Variants in VAC14 observed in about 807,000 individuals in gnomAD.
VAC14 encodes the protein protein VAC14 homolog.
In VAC14, 47 loss-of-function variants were observed where a neutral mutation model predicts 85.3. The observed-to-expected ratio is 0.55, with a 90% confidence interval of 0.44 to 0.70. VAC14 has a LOEUF of 0.70. VAC14 is among the 30% of genes least tolerant of loss of function. VAC14 has a pLI of 0.00. For synonymous variants in VAC14, 447 were observed against 430.5 expected, an observed-to-expected ratio of 1.04 and a Z score of -0.47; for missense variants, 861 against 1,004.3, an observed-to-expected ratio of 0.86 and a Z score of 1.93.
chr16:70,754,880 G>A (rs906365711), intron 12 of VAC14, among the ~76,000 whole-genome samples: 1 of 152,192 alleles, frequency 6.6e-6, no homozygotes, highest in African/African-American at 2.4e-5. Flanking sequence ...GCAAGAATCT[G>A]AGGAGGAAAA....
intron 1 of VAC14, among the ~76,000 whole-genome samples, chr16:70,797,283 C>T (rs1221829505): frequency 6.6e-6 from 1 of 152,156 alleles, no homozygotes; most frequent in Admixed American, 6.5e-5. Context: ...TTTCTTACAT[C>T]ACATCACTCT....
intron 10 of VAC14, chr16:70,766,422 A>G (rs1273145258): frequency 1.3e-5 from 6 of 453,428 alleles, no homozygotes; most frequent in Admixed American, 4.8e-5. Context: ...GTGTATTAAC[A>G]TTCTCCAACT....
chr16:70,715,477 C>A (rs2054144896), intron 14 of VAC14: 1 of 152,538 alleles, frequency 6.6e-6, no homozygotes, highest in South Asian at 2.1e-4. Flanking sequence ...CTCAGTGATA[C>A]ATGGCGCTTC....
Position 70,719,628 on chromosome 16 carries a change from A to G in VAC14, c.1661+11867T>C, listed in dbSNP as rs530304559. On this transcript the variant is annotated intron_variant, in intron 14 of 18. Coordinates refer to ENST00000261776, the MANE Select transcript of VAC14 (RefSeq NM_018052.5). ...CCACTAAGCTATGAAAAGTTGTTCA[A>G]CTTCATTAGTCTTTAGGGAAATGCA... Among the ~76,000 whole-genome samples the G allele has an allele frequency of 1.7e-3, 258 of 152,330 alleles. 2 individuals are homozygous for G. The highest frequency in any genetic ancestry group is 6.0e-3 in the African/African-American group (249 of 41,572).
At chr16:70,706,912 A>C (rs908202324) in intron 14 of VAC14, among the ~76,000 whole-genome samples, 2 of 152,160 alleles carry the variant, frequency 1.3e-5, no homozygotes, top group African/African-American at 4.8e-5. Flanking sequence ...ACGGCCAATA[A>C]ATCTGAGGTG....
chr16:70,761,024 G>GTGTGTGTGTGTGTGTGTGTGTGTGTGT (rs1567577775), intron 12 of VAC14: 1 of 197,510 alleles, frequency 5.1e-6, no homozygotes, highest in Non-Finnish European at 9.5e-6. Context: ...TGTGTGCATG[G>GTGTGTGTGTGTGTGTGTGTGTGTGTGT]GGGGGCGGGG....
intron 18 of VAC14, chr16:70,690,401 C>CAGCCAGCCCACAGCACAGT: frequency 1.0e-6 from 1 of 985,630 alleles, no homozygotes; most frequent in South Asian, 4.7e-5. Flanking sequence ...AGGCTGAGGC[C>CAGCCAGCCCACAGCACAGT]AGCCAGCCCA....
intron 1 of VAC14, among the ~76,000 whole-genome samples, chr16:70,788,311 C>G (rs1188699599): frequency 6.6e-6 from 1 of 152,216 alleles, no homozygotes; most frequent in Non-Finnish European, 1.5e-5. Flanking sequence ...TCATATGGAG[C>G]ACCTATCATG....
chr16:70,759,875 C>T (rs920861509), intron 12 of VAC14, among the ~76,000 whole-genome samples: 2 of 152,118 alleles, frequency 1.3e-5, no homozygotes, highest in African/African-American at 4.8e-5. Flanking sequence ...GCTTTAGTGC[C>T]AAACAGATCT....
chr16:70,697,193 G>C lies in VAC14; in HGVS notation c.1901C>G (p.Ser634Cys). 6.2e-7 allele frequency: 1 copy of C among 1,614,046 alleles called. No homozygotes were observed. Among genetic ancestry groups the C allele is most frequent in the Non-Finnish European group, 8.5e-7 (1 of 1,179,980 alleles). Reference protein sequence around the residue: ...SWCHNPVTTVSLCFLTQNYRH... With the variant: ...SWCHNPVTTVCLCFLTQNYRH... ...GTAGTTCTGGGTGAGGAAGCAGAGG[G>C]ACACCGTGGTGACTGGGTTGTGGCA... The change falls in exon 16 of 19, where the codon TCC (serine) becomes TGC (cysteine). Residue 634 changes from serine (S) to cysteine (C), a missense_variant. By Grantham distance (112) the Ser-to-Cys change is moderately radical. This residue lies in a region of VAC14 where 69 missense variants were observed against 139.0 expected (regional missense o/e 0.50). Coordinates refer to ENST00000261776, the MANE Select transcript of VAC14 (RefSeq NM_018052.5).
chr16:70,762,468 A>G lies in VAC14; in HGVS notation c.1371+72T>C, dbSNP rs75716223. On this transcript the variant is annotated intron_variant, in intron 12 of 18. Coordinates refer to ENST00000261776, the MANE Select transcript of VAC14 (RefSeq NM_018052.5). The surrounding 1 kb of genome is among the most constrained non-coding windows in gnomAD (Gnocchi z 4.1). Reference sequence around the variant, plus strand: ...AAGGATGCACTGTACCAAAATAAGCATATCTCAGTCACTAACAAGGGGAGG... The same window carrying G: ...AAGGATGCACTGTACCAAAATAAGCGTATCTCAGTCACTAACAAGGGGAGG... The G allele has an allele frequency of 1.1e-3, 1,570 of 1,444,164 alleles. 18 individuals carry two copies. In the East Asian group the frequency reaches 0.029, roughly 27 times the overall value. 89.5% of individuals were successfully genotyped at this position (1,444,164 alleles called of 1,614,324 possible). A position where few individuals can be genotyped will look rare whatever the true frequency, so the allele number is the denominator to read the frequency against.
In VAC14 at chr16:70,687,547, AG is replaced by A; in HGVS notation, c.*380del. 1 of 166,732 alleles carries A rather than the reference AG, an allele frequency of 6.0e-6. No individual in the cohort carries two copies. 10.3% of individuals were successfully genotyped at this position (166,732 alleles called of 1,614,324 possible). On this transcript the variant is annotated 3_prime_UTR_variant, in exon 19 of 19. Transcript: ENST00000261776. ...AGTACACACACACACACACACACAC[AG>A]GCATGTGTTCACGTATGTATACATA...
intron 9 of VAC14, chr16:70,773,329 G>C (rs1011779954): frequency 1.3e-5 from 2 of 152,236 alleles, no homozygotes; most frequent in African/African-American, 4.8e-5. Flanking sequence ...ACCTGTCTTA[G>C]TATTTAACTT....
rs143532085 is a variant in VAC14 at position 70,708,799 on chromosome 16, A to G, written c.1662-9988T>C. The stretch of plus-strand genomic sequence containing the variant: ...GAGGGCAAGGCCGGGGTGAGGAGAC[A>G]GCTGGGTGCGGGGAGGAGGGGCAAG... On this transcript the variant is annotated intron_variant, in intron 14 of 18. Coordinates refer to ENST00000261776, the MANE Select transcript of VAC14 (RefSeq NM_018052.5). Among the ~76,000 whole-genome samples the G allele has an allele frequency of 5.7e-3, 864 of 152,314 alleles. 4 individuals carry two copies. Among genetic ancestry groups the G allele is most frequent in the Non-Finnish European group, 9.9e-3 (673 of 68,018 alleles).
At chr16:70,732,517 C>T (rs1597901623) in intron 13 of VAC14, among the ~76,000 whole-genome samples, 1 of 152,122 alleles carries the variant, frequency 6.6e-6, no homozygotes, top group Non-Finnish European at 1.5e-5. Context: ...TCTGGGGTAG[C>T]GTATCTGTAT....
intron 3 of VAC14, among the ~76,000 whole-genome samples, chr16:70,785,205 G>T (rs535863188): frequency 1.3e-5 from 2 of 152,366 alleles, no homozygotes; most frequent in African/African-American, 4.8e-5. Context: ...CAGGGTAGCT[G>T]CGAGGCTGAT....
rs375090714 is a variant in VAC14 at position 70,706,614 on chromosome 16, C to T, written c.1662-7803G>A. Among the ~76,000 whole-genome samples the T allele has an allele frequency of 4.6e-5, 7 of 152,190 alleles. No individual in the cohort carries two copies. The East Asian group carries it at 5.8e-4, about 13-fold the overall frequency. ...GCAACCTCTGCCTCCCGGGTTCAAGCGATTCTCTTGCCTTGGTGGCTGGGA... is the reference window on the plus strand; with the variant it reads ...GCAACCTCTGCCTCCCGGGTTCAAGTGATTCTCTTGCCTTGGTGGCTGGGA... On this transcript the variant is annotated intron_variant, in intron 14 of 18. Transcript: ENST00000261776.
intron 12 of VAC14, among the ~76,000 whole-genome samples, chr16:70,760,482 T>C (rs1319036077): frequency 3.3e-5 from 5 of 152,244 alleles, no homozygotes; most frequent in Non-Finnish European, 7.4e-5. Context: ...TCACTAATGA[T>C]GAAGGTCCCC....
chr16:70,743,122 T>G (rs1384427665), intron 13 of VAC14, among the ~76,000 whole-genome samples: 4 of 152,074 alleles, frequency 2.6e-5, no homozygotes, highest in Admixed American at 2.6e-4. Flanking sequence ...TGTGTCTAGC[T>G]AAAGGATTGT....
Sources: gnomAD v4.1 joint callset for allele counts (sites outside exome capture counted in the v4.1 genomes callset) on GRCh38, gnomAD v4.1.1 for gene constraint, gnomAD v4.1.1 regional missense constraint, Gnocchi (gnomAD v3.1) non-coding constraint, MANE v1.5 for transcripts, NCBI Gene and HGNC (gene_info 2026-07-23, HGNC 2026-07-21) for gene names.